FGF12: variants seen among roughly 807,000 people sequenced by gnomAD.
The protein encoded by FGF12 is fibroblast growth factor 12.
A neutral mutation model predicts 23.6 loss-of-function variants in FGF12; 14 were observed. That is an observed-to-expected ratio of 0.59 (90% CI 0.39 to 0.93). The LOEUF (loss-of-function observed/expected upper bound fraction) is 0.93. Among genes scored for constraint, FGF12 ranks in the 40% least tolerant of loss-of-function variants. The pLI is 0.00. For missense variants in FGF12, 175 were observed against 217.8 expected, an observed-to-expected ratio of 0.80 and a Z score of 1.24; for synonymous variants, 62 against 77.3, an observed-to-expected ratio of 0.80 and a Z score of 1.04.
In FGF12 at chr3:192,427,154, G is replaced by A. The variant is rs150718841; in HGVS notation, c.14-66616C>T. 6.5e-3 allele frequency among the ~76,000 whole-genome samples: 988 copies of A among 152,118 alleles called. 12 individuals are homozygous for A. Among genetic ancestry groups the A allele is most frequent in the African/African-American group, 0.022 (902 of 41,480 alleles). ...TCCCAGCACTTTGGGAGGCAGAGGC[G>A]GGTAGATCACGAGGTCAGGAGTTCG... On this transcript the variant is annotated intron_variant, in intron 2 of 5. Transcript: ENST00000445105.
rs1721054317 is a variant in FGF12, at chr3:192,408,334, G to A, written c.14-47796C>T. 13 of 1,432,980 alleles carry A rather than the reference G, an allele frequency of 9.1e-6. No homozygotes were observed. The South Asian group carries it at 1.5e-4, about 16-fold the overall frequency. The allele number at this position is 1,432,980 out of a possible 1,614,324, so 88.8% of individuals were successfully genotyped here. A position where few individuals can be genotyped will look rare whatever the true frequency, so the allele number is the denominator to read the frequency against. The stretch of plus-strand genomic sequence containing the variant: ...CCAGGGAAAGGGCAGTCGCGGGGAG[G>A]CAGTGCTAAAATTTGAGGAGGCTGC... On this transcript the variant is annotated intron_variant, in intron 2 of 5. Coordinates refer to ENST00000445105, the MANE Select transcript of FGF12 (RefSeq NM_004113.6). The surrounding 1 kb of genome is among the most constrained non-coding windows in gnomAD (Gnocchi z 7.3).
At chr3:192,340,481 A>C (rs1301160783) in intron 3 of FGF12, among the ~76,000 whole-genome samples, 3 of 152,188 alleles carry the variant, frequency 2.0e-5, no homozygotes, top group Admixed American at 2.0e-4. Context: ...TGCAGACTAA[A>C]TAATACTACA....
chr3:192,168,045 G>A (rs114318953), intron 5 of FGF12, among the ~76,000 whole-genome samples: 11,474 of 151,650 alleles, frequency 0.076, 541 homozygotes, highest in African/African-American at 0.13. Flanking sequence ...GATTACAGGC[G>A]TGAGCCACCA....
intron 4 of FGF12, among the ~76,000 whole-genome samples, chr3:192,309,653 G>A (rs1473093656): frequency 1.3e-5 from 2 of 152,058 alleles, no homozygotes; most frequent in East Asian, 3.9e-4. Flanking sequence ...AGGTATACTG[G>A]GTCTTAAAGA....
chr3:192,516,124 C>A (rs1724659883), intron 2 of FGF12, among the ~76,000 whole-genome samples: 2 of 146,940 alleles, frequency 1.4e-5, no homozygotes, highest in African/African-American at 5.5e-5. Context: ...ATCTGTCTCA[C>A]ACACCCCCTG....
chr3:192,414,597 C>A (rs1721287658), intron 2 of FGF12, among the ~76,000 whole-genome samples: 1 of 152,094 alleles, frequency 6.6e-6, no homozygotes, highest in Admixed American at 6.6e-5. Context: ...ATGATGGAAG[C>A]TAAAGGGAAA....
Position 192,591,958 on chromosome 3 carries a change from G to GA in FGF12, c.13+135222dup, listed in dbSNP as rs202149923. ...GTACATAATCTCAGTGGTTTAACCA[G>GA]AAAAAAAAATTATAAGAAAAACTAC... On this transcript the variant is annotated intron_variant, in intron 2 of 5. Transcript: ENST00000445105. Among the ~76,000 whole-genome samples, 270 of 149,752 alleles carry GA rather than the reference G, an allele frequency of 1.8e-3. 2 individuals carry two copies. The highest frequency in any genetic ancestry group is 6.0e-3 in the African/African-American group (244 of 40,908).
intron 4 of FGF12, among the ~76,000 whole-genome samples, chr3:192,299,469 T>C (rs1715221294): frequency 2.0e-5 from 3 of 152,198 alleles, no homozygotes; most frequent in Non-Finnish European, 2.9e-5. Context: ...CCTCTCCTAA[T>C]GTATATTGTA....
intron 5 of FGF12, among the ~76,000 whole-genome samples, chr3:192,149,449 T>C (rs1162649083): frequency 7.9e-6 from 1 of 126,336 alleles, no homozygotes; most frequent in South Asian, 3.3e-4. Context: ...TATCTCCCAA[T>C]GCTATCCCTC....
chr3:192,412,973 A>G (rs1028000503), intron 2 of FGF12, among the ~76,000 whole-genome samples: 8 of 152,220 alleles, frequency 5.3e-5, no homozygotes, highest in Non-Finnish European at 8.8e-5. Flanking sequence ...TGAAGACATT[A>G]TGAGTGGAAG....
At chr3:192,341,688 A>G (rs2108708871) in intron 3 of FGF12, among the ~76,000 whole-genome samples, 1 of 152,322 alleles carries the variant, frequency 6.6e-6, no homozygotes, top group African/African-American at 2.4e-5. Context: ...GAAAGTAACA[A>G]ATGAGAAAAG....
intron 3 of FGF12, among the ~76,000 whole-genome samples, chr3:192,352,258 G>A (rs1022764411): frequency 2.0e-5 from 3 of 152,216 alleles, no homozygotes; most frequent in African/African-American, 7.2e-5. Flanking sequence ...TCCCAGAACA[G>A]AGATTGCTTT....
At chr3:192,215,342 A>T (rs1411015377) in intron 4 of FGF12, among the ~76,000 whole-genome samples, 2 of 152,158 alleles carry the variant, frequency 1.3e-5, no homozygotes, top group Admixed American at 6.5e-5. Flanking sequence ...GGTACTCATC[A>T]CCCAGCAATT....
At chr3:192,638,905 C>A (rs866569369) in intron 2 of FGF12, among the ~76,000 whole-genome samples, 1 of 152,118 alleles carries the variant, frequency 6.6e-6, no homozygotes, top group African/African-American at 2.4e-5. Flanking sequence ...TAGAAACTTC[C>A]GAACCAAGGC....
chr3:192,467,201 G>A lies in FGF12; in HGVS notation c.14-106663C>T, dbSNP rs1230478054. 3.9e-5 allele frequency among the ~76,000 whole-genome samples: 6 copies of A among 151,944 alleles called. No individual in the cohort carries two copies. The East Asian group carries it at 1.2e-3, about 29-fold the overall frequency. ...TCTTTTTCCTATCATCATATATGTC[G>A]GAAAATTAATTTCAACTGCATGGGC... On this transcript the variant is annotated intron_variant, in intron 2 of 5. Coordinates refer to ENST00000445105, the MANE Select transcript of FGF12 (RefSeq NM_004113.6).
intron 2 of FGF12, among the ~76,000 whole-genome samples, chr3:192,443,533 G>T (rs1457716834): frequency 1.3e-5 from 2 of 152,200 alleles, no homozygotes. Context: ...GGCCATTGAA[G>T]ATTTTGAAAA....
chr3:192,516,038 G>A (rs1724657498), intron 2 of FGF12, among the ~76,000 whole-genome samples: 1 of 152,054 alleles, frequency 6.6e-6, no homozygotes, highest in African/African-American at 2.4e-5. Context: ...TTCCTACTAG[G>A]TGTGTGACCT....
At chr3:192,716,118 C>T (rs1718857690) in intron 2 of FGF12, among the ~76,000 whole-genome samples, 2 of 151,726 alleles carry the variant, frequency 1.3e-5, no homozygotes, top group South Asian at 4.1e-4. Context: ...TCTAGACTAG[C>T]AGCATCAACA....
intron 2 of FGF12, among the ~76,000 whole-genome samples, chr3:192,466,602 T>TA (rs1234713699): frequency 2.6e-5 from 4 of 152,220 alleles, no homozygotes; most frequent in African/African-American, 9.7e-5. Flanking sequence ...TCCATAATTA[T>TA]AAAAAAGTAA....
Sources: allele counts gnomAD v4.1 joint callset (sites outside exome capture counted in the v4.1 genomes callset), GRCh38; gene constraint gnomAD v4.1.1; non-coding constraint Gnocchi (gnomAD v3.1); transcripts MANE v1.5; gene names NCBI Gene and HGNC (gene_info 2026-07-23, HGNC 2026-07-21).